The following LRIT1 variants were observed in gnomAD, a reference collection of about 807,000 sequenced individuals.
The protein encoded by LRIT1 is leucine rich repeat, Ig-like and transmembrane domains 1, also known as leucine-rich repeat, immunoglobulin-like domain and transmembrane domain-containing protein 1.
Under a neutral mutation model 24.0 loss-of-function variants are expected in LRIT1, and 23 were observed. The observed-to-expected ratio is 0.96, with a 90% CI of 0.69 to 1.36. The LOEUF is 1.36. Among genes scored for constraint, LRIT1 ranks in the 40% most tolerant of loss-of-function variants. The probability of loss-of-function intolerance (pLI) is 0.00; values close to 1 mark genes in which losing one functional copy is unlikely to be tolerated. For missense variants in LRIT1, 846 were observed against 806.3 expected, an observed-to-expected ratio of 1.05 and a Z score of -0.60; for synonymous variants, 361 against 340.5, an observed-to-expected ratio of 1.06 and a Z score of -0.66.
rs188740348 is a variant in LRIT1, at chr10:84,232,698, G to A, written c.1101C>T (p.Gly367=). Residue 367 remains glycine, a synonymous_variant, in exon 4 of 4, where the codon GGC becomes GGT. Transcript: ENST00000372105. ...SPGALWARTG[G]GGEAAAYNNK... ...TGTTGTAAGCAGCAGCTTCCCCTCC[G>A]CCACCTGTCCTTGCCCATAGTGCTC... The A allele has an allele frequency of 2.9e-5, 47 of 1,613,650 alleles. No individual in the cohort carries two copies. Among genetic ancestry groups the A allele is most frequent in the East Asian group, 6.7e-5 (3 of 44,884 alleles).
rs140648210 is a variant in LRIT1 at position 84,241,381 on chromosome 10, C to A, written c.59G>T (p.Arg20Leu). Reference sequence around the variant, plus strand: ...GCTGCATTGAGAGGGGCAGAAGCCCCGGGCCTGGGGGGGCCACGCAAGGGC... The same window carrying A: ...GCTGCATTGAGAGGGGCAGAAGCCCAGGGCCTGGGGGGGCCACGCAAGGGC... ...LLALAWPPQA[R>L]GFCPSQCSCS... The change falls in exon 1 of 4, where the codon CGG becomes CTG. Residue 20 changes from arginine to leucine, a missense_variant. By Grantham distance (102) the Arg-to-Leu change is moderately radical. Transcript: ENST00000372105. 288 of 1,611,794 alleles carry A rather than the reference C, an allele frequency of 1.8e-4. No homozygotes were observed. Among genetic ancestry groups the A allele is most frequent in the Non-Finnish European group, 2.4e-4 (282 of 1,179,112 alleles).
chr10:84,237,690 C>T lies in LRIT1; in HGVS notation c.123-4G>A. 6.3e-7 allele frequency: 1 copy of T among 1,575,726 alleles called. No individual in the cohort carries two copies. The highest frequency in any genetic ancestry group is 8.6e-7 in the Non-Finnish European group (1 of 1,163,484). Reference sequence around the variant, plus strand: ...GGGGTCGTTGCACACTACTGTCCTGCTGGCAGAAATGAGGGATAGTTGAGC... The same window carrying T: ...GGGGTCGTTGCACACTACTGTCCTGTTGGCAGAAATGAGGGATAGTTGAGC... On this transcript the variant is annotated splice_region_variant and splice_polypyrimidine_tract_variant and intron_variant, in intron 1 of 3. Transcript: ENST00000372105.
In LRIT1 at chr10:84,237,206, T is replaced by C. The variant is rs1236723431; in HGVS notation, c.589+14A>G. On this transcript the variant is annotated intron_variant, in intron 2 of 3. Coordinates refer to ENST00000372105, the MANE Select transcript of LRIT1 (RefSeq NM_015613.3). Reference sequence around the variant, plus strand: ...ACTTGCCTAAGACCCCAGGTGAAGGTTGCCGACCCTTACCTAGGACCCGCC... The same window carrying C: ...ACTTGCCTAAGACCCCAGGTGAAGGCTGCCGACCCTTACCTAGGACCCGCC... 3.9e-6 allele frequency: 6 copies of C among 1,543,626 alleles called. No homozygotes were observed. The East Asian group carries it at 1.2e-4, about 31-fold the overall frequency.
At chr10:84,234,000 A>T (rs931716947) in intron 3 of LRIT1, 73 bp downstream of exon 3, 27 of 1,357,468 alleles carry the variant, frequency 2.0e-5, no homozygotes, top group Non-Finnish European at 2.6e-5. Flanking sequence ...GGCCCTGCCA[A>T]ATCCCCATTT....
At position 84,232,128 on chromosome 10, in the gene LRIT1, T is replaced by C. The variant is rs763576675; in HGVS notation, c.1671A>G (p.Arg557=). 7 of 1,614,040 alleles carry C rather than the reference T, an allele frequency of 4.3e-6. No individual in the cohort carries two copies. In the Admixed American group the frequency reaches 5.0e-5, roughly 12 times the overall value. The stretch of plus-strand genomic sequence containing the variant: ...CAGTGGAGTCCTTGTTGAAGCACTT[T>C]CGGCAGCGCTTCTGAAGAGCACTGC... The part of the protein sequence containing the change: ...VCCSALQKRC[R]KCFNKDSTEA... The change falls in exon 4 of 4, where the codon CGA becomes CGG. Residue 557 remains arginine, a synonymous_variant. Coordinates refer to ENST00000372105, the MANE Select transcript of LRIT1 (RefSeq NM_015613.3).
Position 84,232,469 on chromosome 10 carries a change from C to A in LRIT1, c.1330G>T (p.Val444Leu). 1 of 1,614,132 alleles carries A rather than the reference C, an allele frequency of 6.2e-7. No homozygotes were observed. Among genetic ancestry groups the A allele is most frequent in the African/African-American group, 1.3e-5 (1 of 75,042 alleles). Residue 444 changes from valine to leucine, a missense_variant, in exon 4 of 4, where the codon GTG becomes TTG. Val to Leu is a conservative substitution (Grantham distance 32, BLOSUM62 1). Coordinates refer to ENST00000372105, the MANE Select transcript of LRIT1 (RefSeq NM_015613.3). Reference protein sequence around the residue: ...VKVVGDTYHSVSLVWKAPQAK... With the variant: ...VKVVGDTYHSLSLVWKAPQAK... ...TGGGGTGCCTTCCACACCAAGGACA[C>A]GCTGTGGTAAGTGTCCCCCACCACC...
chr10:84,237,535 A>G lies in LRIT1; in HGVS notation c.274T>C (p.Tyr92His). The G allele has an allele frequency of 6.2e-7, 1 of 1,605,446 alleles. No homozygotes were observed. The highest frequency in any genetic ancestry group is 8.5e-7 in the Non-Finnish European group (1 of 1,179,526). Reference protein sequence around the residue: ...LGRLEQLWLPYNALSELNALM... With the variant: ...LGRLEQLWLPHNALSELNALM... Reference sequence around the variant, plus strand: ...GCGTTGAGCTCGCTGAGGGCGTTGTAAGGCAGCCACAGCTGCTCCAGGCGG... The same window carrying G: ...GCGTTGAGCTCGCTGAGGGCGTTGTGAGGCAGCCACAGCTGCTCCAGGCGG... Residue 92 changes from tyrosine to histidine, a missense_variant, in exon 2 of 4, where the codon TAC becomes CAC. Coordinates refer to ENST00000372105, the MANE Select transcript of LRIT1 (RefSeq NM_015613.3).
chr10:84,237,456 C>T lies in LRIT1; in HGVS notation c.353G>A (p.Arg118His). The T allele has an allele frequency of 1.3e-6, 2 of 1,562,654 alleles. No individual in the cohort carries two copies. The highest frequency in any genetic ancestry group is 1.7e-6 in the Non-Finnish European group (2 of 1,157,850). The change falls in exon 2 of 4, where the codon CGC (arginine) becomes CAC (histidine). Residue 118 changes from arginine to histidine, a missense_variant. By Grantham distance (29) the Arg-to-His change is conservative. Transcript: ENST00000372105. ...CGCCGCCCAGGGGAAGGCGGCCAGG[C>T]GGTTCCCGGGCAGCCGCAGCTCCCG... ...RLRELRLPGN[R>H]LAAFPWAALR...
intron 1 of LRIT1, 26 bp from the exon 2 acceptor site, chr10:84,237,712 G>C (rs1333884335): frequency 1.9e-6 from 3 of 1,539,770 alleles, no homozygotes; most frequent in Non-Finnish European, 2.6e-6. Flanking sequence ...AGGGATAGTT[G>C]AGCAAGGATC....
Position 84,232,167 on chromosome 10 carries a change from C to A in LRIT1, c.1632G>T (p.Thr544=), listed in dbSNP as rs774962659. 6.2e-7 allele frequency: 1 copy of A among 1,614,058 alleles called. No homozygotes were observed. Among genetic ancestry groups the A allele is most frequent in the African/African-American group, 1.3e-5 (1 of 74,912 alleles). Residue 544 remains threonine (T), a synonymous_variant, in exon 4 of 4, where the codon ACG becomes ACT. Transcript: ENST00000372105. ...SVAIVIALPL[T]LLVCCSALQK... The stretch of plus-strand genomic sequence containing the variant: ...GAAGAGCACTGCAGCAGACAAGCAG[C>A]GTGAGAGGCAGGGCAATGACGATGG...
chr10:84,237,630 T>C lies in LRIT1; in HGVS notation c.179A>G (p.Asp60Gly). The C allele has an allele frequency of 6.2e-7, 1 of 1,606,096 alleles. No homozygotes were observed. The highest frequency in any genetic ancestry group is 1.1e-5 in the South Asian group (1 of 91,030). The change falls in exon 2 of 4, where the codon GAC becomes GGC. Residue 60 changes from aspartate to glycine, a missense_variant. By Grantham distance (94) the Asp-to-Gly change is moderately conservative. Coordinates refer to ENST00000372105, the MANE Select transcript of LRIT1 (RefSeq NM_015613.3). ...CCGCTCCAGGCGCAGTCTGGAGGTG[T>C]CCGGGGGGATGGACGCCGGGGGCAG... ...MTLPPASIPP[D>G]TSRLRLERTA...
chr10:84,235,638 G>C (rs747001418), intron 2 of LRIT1, among the ~76,000 whole-genome samples: 5 of 152,006 alleles, frequency 3.3e-5, no homozygotes, highest in Non-Finnish European at 7.4e-5. Flanking sequence ...AAAATATGGA[G>C]TCTCACTCAT....
Position 84,234,325 on chromosome 10 carries a change from G to T in LRIT1, c.643C>A (p.Leu215Ile). Residue 215 changes from leucine to isoleucine, a missense_variant, in exon 3 of 4, where the codon CTT (leucine) becomes ATT (isoleucine). Physicochemically the swap from Leu to Ile is conservative, Grantham distance 5. Coordinates refer to ENST00000372105, the MANE Select transcript of LRIT1 (RefSeq NM_015613.3). ...AAGTTTGGGGCCCAGCCATCCAAAA[G>T]ATGAACCAGGTCATAGAGTCGGCAG... ...CDCRLYDLVH[L>I]LDGWAPNLAF... The T allele has an allele frequency of 1.1e-5, 17 of 1,602,782 alleles. No homozygotes were observed. The highest frequency in any genetic ancestry group is 1.4e-5 in the Non-Finnish European group (17 of 1,173,856).
intron 2 of LRIT1, among the ~76,000 whole-genome samples, chr10:84,235,785 A>G (rs1237108636): frequency 3.3e-5 from 5 of 151,872 alleles, no homozygotes; most frequent in Non-Finnish European, 7.4e-5. Flanking sequence ...TAATTTTTGT[A>G]TTTTTAGTAG....
intron 2 of LRIT1, among the ~76,000 whole-genome samples, chr10:84,236,430 A>G (rs902292493): frequency 2.6e-5 from 4 of 152,046 alleles, no homozygotes; most frequent in African/African-American, 7.3e-5. Flanking sequence ...TGTTTATAAC[A>G]TAGTGCAGAT....
At position 84,231,828 on chromosome 10, in the gene LRIT1, G is replaced by A. The variant is rs1260763265; in HGVS notation, c.*99C>T. 2.2e-6 allele frequency: 3 copies of A among 1,346,500 alleles called. No homozygotes were observed. The African/African-American group carries it at 4.4e-5, about 20-fold the overall frequency. 83.4% of individuals were successfully genotyped at this position (1,346,500 alleles called of 1,614,324 possible). A position where few individuals can be genotyped will look rare whatever the true frequency, so the allele number is the denominator to read the frequency against. On this transcript the variant is annotated 3_prime_UTR_variant, in exon 4 of 4. Coordinates refer to ENST00000372105, the MANE Select transcript of LRIT1 (RefSeq NM_015613.3). ...TTGTGTGTAAGTATCTGAGTAAGCA[G>A]GTACCCGAGCAGGTAAGAGTGGGTG...
chr10:84,232,055 C>T lies in LRIT1; in HGVS notation c.1744G>A (p.Asp582Asn). The change falls in exon 4 of 4, where the codon GAC (aspartate) becomes AAC (asparagine). Residue 582 changes from aspartate (D) to asparagine (N), a missense_variant. Coordinates refer to ENST00000372105, the MANE Select transcript of LRIT1 (RefSeq NM_015613.3). ...TGCCGGGACAGCTCCTCCAAGCCGTCCTCGCTGTAGCCCAGTCTCTCTAGG... is the reference window on the plus strand; with the variant it reads ...TGCCGGGACAGCTCCTCCAAGCCGTTCTCGCTGTAGCCCAGTCTCTCTAGG... ...VNLERLGYSEDGLEELSRHSV... is the reference protein window; with the variant it reads ...VNLERLGYSENGLEELSRHSV... 1.2e-6 allele frequency: 2 copies of T among 1,614,220 alleles called. No homozygotes were observed. The highest frequency in any genetic ancestry group is 1.7e-6 in the Non-Finnish European group (2 of 1,180,040).
chr10:84,236,923 GA>G (rs1842653135), intron 2 of LRIT1, among the ~76,000 whole-genome samples: 1 of 152,140 alleles, frequency 6.6e-6, no homozygotes, highest in Non-Finnish European at 1.5e-5. Context: ...GGAAGGAACC[GA>G]AAAAATAGCA....
At chr10:84,237,112 T>A in intron 2 of LRIT1, 108 bp downstream of exon 2, 1 of 926,272 alleles carries the variant, frequency 1.1e-6, no homozygotes. Context: ...TCTCACTGTC[T>A]TTGCTCAAAC....
Sources: gnomAD v4.1 joint callset for allele counts (sites outside exome capture counted in the v4.1 genomes callset) on GRCh38, gnomAD v4.1.1 for gene constraint, MANE v1.5 for transcripts, NCBI Gene and HGNC (gene_info 2026-07-23, HGNC 2026-07-21) for gene names.